CAMK2D: variants seen among roughly 807,000 people sequenced by gnomAD.
CAMK2D encodes the protein calcium/calmodulin-dependent protein kinase type II subunit delta.
In CAMK2D, 37 loss-of-function variants were observed where a neutral mutation model predicts 84.0. That is an observed-to-expected ratio of 0.44 (90% CI 0.34 to 0.58). The LOEUF (loss-of-function observed/expected upper bound fraction) is 0.58. Ranked by LOEUF, CAMK2D falls within the 20% of genes least tolerant of loss-of-function variation. CAMK2D has a pLI of 0.02. For synonymous variants in CAMK2D, 202 were observed against 212.5 expected (o/e 0.95, Z 0.43); for missense variants, 448 against 652.5 (o/e 0.69, Z 3.41).
At chr4:113,693,519 C>A (rs2099394333) in intron 2 of CAMK2D, among the ~76,000 whole-genome samples, 1 of 152,144 alleles carries the variant, frequency 6.6e-6, no homozygotes, top group Non-Finnish European at 1.5e-5. Context: ...CAAGTAAAGG[C>A]AGCAAGTGTC....
chr4:113,740,028 T>A (rs1447321417), intron 2 of CAMK2D, among the ~76,000 whole-genome samples: 1 of 152,180 alleles, frequency 6.6e-6, no homozygotes, highest in Non-Finnish European at 1.5e-5. Context: ...TATATGCACA[T>A]GTGTTATAAT....
intron 15 of CAMK2D, among the ~76,000 whole-genome samples, chr4:113,500,802 A>T (rs998955281): frequency 3.3e-5 from 5 of 152,062 alleles, no homozygotes; most frequent in African/African-American, 1.2e-4. Context: ...CTGTGTAAGG[A>T]TGTGTTTTGT....
At chr4:113,468,869 A>G (rs1314854893) in intron 16 of CAMK2D, among the ~76,000 whole-genome samples, 1 of 152,220 alleles carries the variant, frequency 6.6e-6, no homozygotes, top group Non-Finnish European at 1.5e-5. Flanking sequence ...AGAGCTAGCC[A>G]TTTAATCGCA....
rs543132559 is a variant in CAMK2D at position 113,645,653 on chromosome 4, G to T, written c.220+16060C>A. 9.2e-5 allele frequency among the ~76,000 whole-genome samples: 14 copies of T among 152,082 alleles called. No individual in the cohort carries two copies. The South Asian group carries it at 2.7e-3, about 29-fold the overall frequency. On this transcript the variant is annotated intron_variant, in intron 3 of 20. Transcript: ENST00000511664. ...GAAGGGTAGAGTAGTCAAATAAAGG[G>T]CTACCCTAGAATAAGGTTTATCCAA...
chr4:113,482,897 C>A (rs2097718730), intron 16 of CAMK2D, among the ~76,000 whole-genome samples: 2 of 152,194 alleles, frequency 1.3e-5, no homozygotes, highest in Non-Finnish European at 2.9e-5. Context: ...CATAGCAATG[C>A]CAATACTTAA....
chr4:113,619,111 C>T (rs1394294983), intron 3 of CAMK2D, among the ~76,000 whole-genome samples: 1 of 151,346 alleles, frequency 6.6e-6, no homozygotes, highest in Non-Finnish European at 1.5e-5. Context: ...CATGGTCTTC[C>T]ATCTTTCCAG....
At chr4:113,756,082 G>C (rs1161569395) in intron 2 of CAMK2D, among the ~76,000 whole-genome samples, 1 of 151,916 alleles carries the variant, frequency 6.6e-6, no homozygotes, top group African/African-American at 2.4e-5. Flanking sequence ...CAAAAGGTAA[G>C]AAATTCTTCA....
At chr4:113,640,114 A>G (rs1337982536) in intron 3 of CAMK2D, among the ~76,000 whole-genome samples, 2 of 151,904 alleles carry the variant, frequency 1.3e-5, no homozygotes, top group African/African-American at 4.8e-5. Context: ...AGGGAACACA[A>G]GCAGAGAAGC....
At chr4:113,609,962 G>C (rs767996647) in intron 3 of CAMK2D, among the ~76,000 whole-genome samples, 7 of 151,812 alleles carry the variant, frequency 4.6e-5, no homozygotes, top group Non-Finnish European at 8.8e-5. Context: ...ACAAACCGCT[G>C]TATCTGCTAT....
At chr4:113,729,832 T>A (rs1444746134) in intron 2 of CAMK2D, among the ~76,000 whole-genome samples, 2 of 152,146 alleles carry the variant, frequency 1.3e-5, no homozygotes, top group African/African-American at 4.8e-5. Flanking sequence ...TTCCACCATA[T>A]GAAAACACAG....
At chr4:113,570,603 A>C (rs1309115523) in intron 4 of CAMK2D, among the ~76,000 whole-genome samples, 2 of 152,240 alleles carry the variant, frequency 1.3e-5, no homozygotes, top group East Asian at 3.8e-4. Flanking sequence ...CACATGCAGA[A>C]GAATGAAATT....
intron 16 of CAMK2D, among the ~76,000 whole-genome samples, chr4:113,467,188 G>A (rs1046902048): frequency 6.6e-6 from 1 of 152,160 alleles, no homozygotes; most frequent in African/African-American, 2.4e-5. Flanking sequence ...ATCACAAAAT[G>A]TTACTTCCCA....
At chr4:113,716,528 G>A (rs28546611) in intron 2 of CAMK2D, among the ~76,000 whole-genome samples, 18,369 of 151,560 alleles carry the variant, frequency 0.12, 1,228 homozygotes, top group East Asian at 0.21. Flanking sequence ...GTGCACACCT[G>A]TAGTCCCAGT....
At position 113,754,815 on chromosome 4, in the gene CAMK2D, G is replaced by A. The variant is rs555245231; in HGVS notation, c.160+4505C>T. 13 of 983,642 alleles carry A rather than the reference G, an allele frequency of 1.3e-5. No homozygotes were observed. The Admixed American group carries it at 7.4e-4, about 56-fold the overall frequency. The allele number at this position is 983,642 out of a possible 1,614,324, so 60.9% of individuals were successfully genotyped here. On this transcript the variant is annotated intron_variant, in intron 2 of 20. Transcript: ENST00000511664. ...TAAATACAACTAAACGTAAGTAAAG[G>A]ATACAAAATAATAAGGATGACACAT...
At chr4:113,704,281 A>T (rs1171935524) in intron 2 of CAMK2D, among the ~76,000 whole-genome samples, 1 of 151,756 alleles carries the variant, frequency 6.6e-6, no homozygotes, top group Non-Finnish European at 1.5e-5. Flanking sequence ...ATAATCTGCA[A>T]TTTTTTTTCC....
chr4:113,578,828 C>T (rs189218784), intron 4 of CAMK2D, among the ~76,000 whole-genome samples: 3 of 152,252 alleles, frequency 2.0e-5, no homozygotes, highest in Admixed American at 2.0e-4. Flanking sequence ...CAGTGAAGAG[C>T]AATTTGCAGA....
chr4:113,678,106 T>C (rs1226592705), intron 2 of CAMK2D, among the ~76,000 whole-genome samples: 1 of 152,150 alleles, frequency 6.6e-6, no homozygotes, highest in African/African-American at 2.4e-5. Context: ...AAATACCCTT[T>C]TTGTAAGAGT....
intron 3 of CAMK2D, among the ~76,000 whole-genome samples, chr4:113,649,685 T>G (rs2099165333): frequency 6.6e-6 from 1 of 152,262 alleles, no homozygotes; most frequent in Admixed American, 6.5e-5. Flanking sequence ...TTGTGAACTC[T>G]TTTTGGTCAA....
intron 4 of CAMK2D, among the ~76,000 whole-genome samples, chr4:113,586,192 T>C (rs545916226): frequency 2.0e-5 from 3 of 152,326 alleles, no homozygotes; most frequent in East Asian, 1.9e-4. Flanking sequence ...AAGGATGAAC[T>C]ATACAACTCA....
Sources: gnomAD v4.1 joint callset for allele counts (sites outside exome capture counted in the v4.1 genomes callset) on GRCh38, gnomAD v4.1.1 for gene constraint, MANE v1.5 for transcripts, NCBI Gene and HGNC (gene_info 2026-07-23, HGNC 2026-07-21) for gene names.